The following PREX2 variants were observed in gnomAD, a reference collection of about 807,000 sequenced individuals.
The protein encoded by PREX2 is phosphatidylinositol-3,4,5-trisphosphate dependent Rac exchange factor 2, also known as phosphatidylinositol 3,4,5-trisphosphate-dependent Rac exchanger 2 protein.
PREX2 carries 107 observed loss-of-function variants against 203.2 expected under a neutral mutation model. The observed-to-expected ratio is 0.53, with a 90% CI of 0.45 to 0.62. The LOEUF (loss-of-function observed/expected upper bound fraction) is 0.62, where lower values mean the gene tolerates loss of function less well. Ranked by LOEUF, PREX2 falls within the 20% of genes least tolerant of loss-of-function variation. The pLI is 0.00. For synonymous variants in PREX2, 672 were observed against 663.6 expected (o/e 1.01, Z -0.19); for missense variants, 1,777 against 1,955.9 (o/e 0.91, Z 1.72).
intron 6 of PREX2, among the ~76,000 whole-genome samples, chr8:68,035,373 T>C (rs1294508075): frequency 6.6e-6 from 1 of 152,188 alleles, no homozygotes; most frequent in East Asian, 1.9e-4. Flanking sequence ...CTAGCTCGGT[T>C]AGATCTTTGT....
At chr8:68,076,717 ACACACACAT>A (rs1809360989) in intron 14 of PREX2, among the ~76,000 whole-genome samples, 1 of 137,246 alleles carries the variant, frequency 7.3e-6, no homozygotes, top group Non-Finnish European at 1.6e-5. Context: ...ACACACACAC[ACACACACAT>A]GCATGTTCAT....
intron 32 of PREX2, among the ~76,000 whole-genome samples, 160 bp downstream of exon 32, chr8:68,134,436 A>C (rs1334357559): frequency 6.6e-6 from 1 of 152,172 alleles, no homozygotes; most frequent in African/African-American, 2.4e-5. Flanking sequence ...GGTCCTTCAA[A>C]TTTTAATAAG....
In PREX2 at chr8:68,159,952, G is replaced by C. The variant is rs139678720; in HGVS notation, c.4346+2516G>C. On this transcript the variant is annotated intron_variant, in intron 35 of 39. Transcript: ENST00000288368. ...ACCCAATTGCTATAAGCTGTAAATG[G>C]CTCACAAAGAAAAAAAATAGTTTTC... 3.7e-3 allele frequency among the ~76,000 whole-genome samples: 562 copies of C among 151,826 alleles called. 2 individuals are homozygous for C. The highest frequency in any genetic ancestry group is 0.013 in the African/African-American group (523 of 41,378).
At chr8:68,024,243 T>A (rs562249868) in intron 4 of PREX2, among the ~76,000 whole-genome samples, 1 of 152,188 alleles carries the variant, frequency 6.6e-6, no homozygotes, top group African/African-American at 2.4e-5. Context: ...TTCATATTAT[T>A]CATATTGTTT....
At chr8:68,197,444 A>G (rs1368023218) in intron 37 of PREX2, among the ~76,000 whole-genome samples, 1 of 152,014 alleles carries the variant, frequency 6.6e-6, no homozygotes, top group African/African-American at 2.4e-5. Flanking sequence ...GCCTCCTGCC[A>G]TGATTGTAAG....
In PREX2 at chr8:68,236,625, T is replaced by C. The variant is rs769367481; in HGVS notation, c.*5247T>C. 7.5e-4 allele frequency: 114 copies of C among 152,332 alleles called. No homozygotes were observed. Among genetic ancestry groups the C allele is most frequent in the Non-Finnish European group, 9.6e-4 (65 of 68,018 alleles). The allele number at this position is 152,332 out of a possible 1,614,324, so 9.4% of individuals were successfully genotyped here. Reference sequence around the variant, plus strand: ...CAAGCAAATTTATTAGAGTTTCAGATGAATATATATTTTTGTAACTGGCAA... The same window carrying C: ...CAAGCAAATTTATTAGAGTTTCAGACGAATATATATTTTTGTAACTGGCAA... On this transcript the variant is annotated 3_prime_UTR_variant, in exon 40 of 40. Coordinates refer to ENST00000288368, the MANE Select transcript of PREX2 (RefSeq NM_024870.4).
At chr8:68,084,759 T>C (rs553215212) in intron 18 of PREX2, among the ~76,000 whole-genome samples, 4 of 152,184 alleles carry the variant, frequency 2.6e-5, no homozygotes, top group Non-Finnish European at 5.9e-5. Context: ...AAGACTGTCC[T>C]GCTTGCCCAC....
intron 22 of PREX2, among the ~76,000 whole-genome samples, chr8:68,097,971 A>G (rs1810134424): frequency 6.6e-6 from 1 of 152,236 alleles, no homozygotes; most frequent in Non-Finnish European, 1.5e-5. Context: ...CAGTTTATGA[A>G]TAGATCCTCT....
chr8:68,159,280 A>G (rs1051316557), intron 35 of PREX2, among the ~76,000 whole-genome samples: 1 of 152,188 alleles, frequency 6.6e-6, no homozygotes, highest in Non-Finnish European at 1.5e-5. Context: ...CCAGTTCTCC[A>G]TTTTTACCAA....
chr8:68,045,704 G>A (rs1385082139), intron 8 of PREX2, among the ~76,000 whole-genome samples: 1 of 152,100 alleles, frequency 6.6e-6, no homozygotes, highest in East Asian at 1.9e-4. Context: ...GTGGCTAACT[G>A]TGGGGTGGTG....
intron 1 of PREX2, among the ~76,000 whole-genome samples, chr8:67,997,489 C>T (rs1806800089): frequency 6.6e-6 from 1 of 152,192 alleles, no homozygotes; most frequent in East Asian, 1.9e-4. Flanking sequence ...ATTTTATGCT[C>T]ATTCTATTTG....
intron 1 of PREX2, among the ~76,000 whole-genome samples, chr8:67,961,759 G>A (rs767039602): frequency 5.9e-5 from 9 of 152,166 alleles, no homozygotes; most frequent in South Asian, 4.2e-4. Flanking sequence ...AATTAGTATC[G>A]GTGATTTCAG....
chr8:68,018,567 G>A (rs531124017), intron 2 of PREX2, among the ~76,000 whole-genome samples: 55 of 152,204 alleles, frequency 3.6e-4, no homozygotes, highest in Admixed American at 1.6e-3. Flanking sequence ...GTTAGAGGTG[G>A]CTCAGGAAGG....
rs1813166319 is a variant in PREX2 at position 68,231,334 on chromosome 8, C to T, written c.4777C>T (p.Leu1593=). 6.3e-7 allele frequency: 1 copy of T among 1,592,388 alleles called. No homozygotes were observed. The highest frequency in any genetic ancestry group is 8.5e-7 in the Non-Finnish European group (1 of 1,171,852). Residue 1593 remains leucine (L), a splice_region_variant and synonymous_variant, in exon 40 of 40, where the codon CTG becomes TTG. Transcript: ENST00000288368. Reference sequence around the variant, plus strand: ...CAAACTTTACCATGCCTTTTCTAGGCTGTACAAGCTGTGCGAGCCACCTCC... The same window carrying T: ...CAAACTTTACCATGCCTTTTCTAGGTTGTACAAGCTGTGCGAGCCACCTCC... ...RDRTPQSAPR[L]YKLCEPPPPA...
At position 68,134,191 on chromosome 8, in the gene PREX2, C is replaced by G. The variant is rs202075724; in HGVS notation, c.3899C>G (p.Thr1300Ser). 2 of 1,614,122 alleles carry G rather than the reference C, an allele frequency of 1.2e-6. No homozygotes were observed. Among genetic ancestry groups the G allele is most frequent in the Non-Finnish European group, 1.7e-6 (2 of 1,180,004 alleles). Residue 1300 changes from threonine to serine, a missense_variant, in exon 32 of 40, where the codon ACT (threonine) becomes AGT (serine). By Grantham distance (58) the Thr-to-Ser change is moderately conservative (BLOSUM62 1). Coordinates refer to ENST00000288368, the MANE Select transcript of PREX2 (RefSeq NM_024870.4). ...AACAGCAAGGAAAATGAGATGGAAA[C>G]TTGGGAAGCCAGCAGGAGGTGGCTG... is the stretch of plus-strand genomic sequence containing the variant. ...FDNSKENEME[T>S]WEASRRWLDQ... is the part of the protein sequence containing the mutation.
At chr8:68,030,130 T>C (rs577518490) in intron 5 of PREX2, among the ~76,000 whole-genome samples, 1 of 152,270 alleles carries the variant, frequency 6.6e-6, no homozygotes, top group South Asian at 2.1e-4. Flanking sequence ...TGTTATTCTG[T>C]TAAAGACCCT....
At chr8:68,073,318 A>C (rs146116313) in intron 14 of PREX2, among the ~76,000 whole-genome samples, 157 of 151,564 alleles carry the variant, frequency 1.0e-3, no homozygotes, top group Admixed American at 0.01. Flanking sequence ...GGGGGAGGGG[A>C]TATTGCTTGG....
chr8:68,134,117 C>G lies in PREX2; in HGVS notation c.3825C>G (p.Val1275=). ...TCTGCCAGACTCTTGTGGCCACTGT[C>G]TGTGCCTTCTCTGAGCAGCTCATGG... The part of the protein sequence containing the change: ...MVFCQTLVAT[V]CAFSEQLMAA... The change falls in exon 32 of 40, where the codon GTC becomes GTG. Residue 1275 remains valine, a synonymous_variant. Coordinates refer to ENST00000288368, the MANE Select transcript of PREX2 (RefSeq NM_024870.4). 4 of 1,614,152 alleles carry G rather than the reference C, an allele frequency of 2.5e-6. No individual in the cohort carries two copies. The highest frequency in any genetic ancestry group is 3.4e-6 in the Non-Finnish European group (4 of 1,180,006).
chr8:68,203,687 A>G (rs1812552213), intron 37 of PREX2, among the ~76,000 whole-genome samples: 1 of 152,200 alleles, frequency 6.6e-6, no homozygotes, highest in Non-Finnish European at 1.5e-5. Flanking sequence ...CAGGCAGCAC[A>G]TATAGAGTAT....
Sources: gnomAD v4.1 joint callset for allele counts (sites outside exome capture counted in the v4.1 genomes callset) on GRCh38, gnomAD v4.1.1 for gene constraint, MANE v1.5 for transcripts, NCBI Gene and HGNC (gene_info 2026-07-23, HGNC 2026-07-21) for gene names.